The following USP24 variants were observed in gnomAD, a reference collection of about 807,000 sequenced individuals.
USP24 encodes the protein ubiquitin carboxyl-terminal hydrolase 24.
USP24 carries 97 observed loss-of-function variants against 361.6 expected under a neutral mutation model. That is an observed-to-expected ratio of 0.27 (90% confidence interval 0.23 to 0.32). USP24 has a LOEUF of 0.32. USP24 is among the 10% of genes least tolerant of loss of function. The pLI is 1.00. For synonymous variants in USP24, 1,098 were observed against 1,124.6 expected (o/e 0.98, Z 0.47); for missense variants, 2,353 against 3,165.6 (o/e 0.74, Z 6.16).
intron 59 of USP24, 21 bp from the exon 60 acceptor site, chr1:55,079,680 A>G: frequency 1.3e-6 from 2 of 1,519,554 alleles, no homozygotes; most frequent in Non-Finnish European, 1.7e-6. Flanking sequence ...CCAAAGAAAC[A>G]AAACAGAACC....
chr1:55,154,881 A>C, intron 12 of USP24, 103 bp from the exon 13 acceptor site: 1 of 767,270 alleles, frequency 1.3e-6, no homozygotes, highest in South Asian at 1.8e-5. Context: ...TATAACAAAG[A>C]CAAATTGACT....
rs1165842718 is a variant in USP24, at chr1:55,101,049, AT to A, written c.5146-86del. ...GACATATGTACATGTTAGTACCCAC[AT>A]TGCTTTTTTAGAATGTTATGTATGT... On this transcript the variant is annotated intron_variant, in intron 43 of 67. Transcript: ENST00000294383. 4.8e-6 allele frequency: 7 copies of A among 1,460,486 alleles called. No individual in the cohort carries two copies. In the African/African-American group the frequency reaches 8.7e-5, roughly 18 times the overall value. 90.5% of individuals were successfully genotyped at this position (1,460,486 alleles called of 1,614,324 possible).
At chr1:55,095,164 A>C in intron 51 of USP24, 91 bp downstream of exon 51, 1 of 1,346,334 alleles carries the variant, frequency 7.4e-7, no homozygotes, top group Non-Finnish European at 9.8e-7. Flanking sequence ...CAGCTTAGCT[A>C]ATTATCTTTA....
intron 58 of USP24, 22 bp downstream of exon 58, chr1:55,083,250 G>A: frequency 6.2e-7 from 1 of 1,608,628 alleles, no homozygotes; most frequent in Non-Finnish European, 8.5e-7. Flanking sequence ...TATTCCACTA[G>A]GGATATAAAA....
intron 24 of USP24, among the ~76,000 whole-genome samples, chr1:55,139,936 T>A (rs1285469066): frequency 6.6e-6 from 1 of 152,144 alleles, no homozygotes; most frequent in African/African-American, 2.4e-5. Flanking sequence ...AACTATTTTT[T>A]AATTATGCCT....
chr1:55,132,029 T>C (rs951097959), intron 31 of USP24, among the ~76,000 whole-genome samples: 5 of 152,076 alleles, frequency 3.3e-5, no homozygotes, highest in Admixed American at 6.5e-5. Context: ...GATCTTGGAG[T>C]GAGTAACTTG....
At chr1:55,120,803 T>C in intron 37 of USP24, 47 bp from the exon 38 acceptor site, 1 of 1,473,700 alleles carries the variant, frequency 6.8e-7, no homozygotes, top group South Asian at 1.4e-5. Flanking sequence ...AATCAACATG[T>C]TGAGACTGCT....
At chr1:55,156,183 G>A (rs531215604) in intron 12 of USP24, among the ~76,000 whole-genome samples, 1 of 152,170 alleles carries the variant, frequency 6.6e-6, no homozygotes, top group Non-Finnish European at 1.5e-5. Context: ...TGGATATAAT[G>A]AATTTAAGAT....
chr1:55,093,724 T>C (rs1645432657), intron 52 of USP24: 6 of 498,604 alleles, frequency 1.2e-5, no homozygotes, highest in African/African-American at 1.9e-5. Flanking sequence ...CTGCCAATCA[T>C]GAGTGTGTAT....
At chr1:55,069,471 A>T (rs1034404472) in intron 67 of USP24, among the ~76,000 whole-genome samples, 4 of 152,184 alleles carry the variant, frequency 2.6e-5, no homozygotes, top group Non-Finnish European at 5.9e-5. Flanking sequence ...CCTGCCAAAT[A>T]TGGGCTCTGG....
chr1:55,089,682 C>T lies in USP24; in HGVS notation c.6613G>A (p.Ala2205Thr), dbSNP rs1241166687. 3 of 1,605,306 alleles carry T rather than the reference C, an allele frequency of 1.9e-6. No homozygotes were observed. The highest frequency in any genetic ancestry group is 3.4e-5 in the Admixed American group (2 of 58,910). ...IEALLSKSFD[A>T]CQWLVEYFIS... ...AAATATTCAACTAACCACTGACAAG[C>T]ATCAAAACTTTTTGAAAGCAATGCT... is the stretch of plus-strand genomic sequence containing the variant. The change falls in exon 55 of 68, where the codon GCT becomes ACT. Residue 2205 changes from alanine (A) to threonine (T), a missense_variant. Ala to Thr is a moderately conservative substitution (Grantham distance 58). Around this residue, in one of 8 missense-constraint regions of USP24, gnomAD observed 598 missense variants for 761.9 expected, o/e 0.78. Transcript: ENST00000294383.
At chr1:55,155,351 T>C (rs2100744836) in intron 12 of USP24, among the ~76,000 whole-genome samples, 1 of 152,336 alleles carries the variant, frequency 6.6e-6, no homozygotes, top group East Asian at 1.9e-4. Context: ...TCACTGTTCA[T>C]CATGTGAGAT....
chr1:55,086,231 C>T, intron 55 of USP24, 193 bp from the exon 56 acceptor site: 1 of 599,414 alleles, frequency 1.7e-6, no homozygotes, highest in South Asian at 2.1e-5. Flanking sequence ...ATGCCACATA[C>T]CAGCCAAGGC....
rs537813520 is a variant in USP24 at position 55,088,005 on chromosome 1, G to A, written c.6668+1622C>T. 2.6e-5 allele frequency among the ~76,000 whole-genome samples: 4 copies of A among 152,366 alleles called. No homozygotes were observed. In the East Asian group the frequency reaches 5.8e-4, roughly 22 times the overall value. On this transcript the variant is annotated intron_variant, in intron 55 of 67. Transcript: ENST00000294383. ...ATGGCTAAAGCCTGACAAGCAGAGA[G>A]TGAGTCAAGGAAAGCCTGGAAGGAC...
chr1:55,105,633 G>A (rs1401960951), intron 41 of USP24, among the ~76,000 whole-genome samples: 5 of 152,110 alleles, frequency 3.3e-5, no homozygotes, highest in Non-Finnish European at 5.9e-5. Context: ...CACTCAAGGA[G>A]GGTCAACATT....
At position 55,129,579 on chromosome 1, in the gene USP24, G is replaced by T; in HGVS notation, c.3538-5C>A. 6.2e-7 allele frequency: 1 copy of T among 1,612,000 alleles called. No individual in the cohort carries two copies. The highest frequency in any genetic ancestry group is 1.1e-5 in the South Asian group (1 of 90,860). ...CATGAGTTTGGAGCTTAGAACCTAG[G>T]GAACAGATAAGCACAATTATTCATC... On this transcript the variant is annotated splice_polypyrimidine_tract_variant and splice_region_variant and intron_variant, in intron 31 of 67. Coordinates refer to ENST00000294383, the MANE Select transcript of USP24 (RefSeq NM_015306.3).
intron 52 of USP24, 43 bp from the exon 53 acceptor site, chr1:55,092,959 TATTC>T (rs763723157): frequency 4.6e-6 from 6 of 1,299,360 alleles, no homozygotes; most frequent in Non-Finnish European, 6.3e-6. Flanking sequence ...AATGGAAAAA[TATTC>T]AATATGTGAA....
At chr1:55,171,963 C>T (rs906607144) in intron 4 of USP24, among the ~76,000 whole-genome samples, 2 of 151,962 alleles carry the variant, frequency 1.3e-5, no homozygotes, top group African/African-American at 4.8e-5. Flanking sequence ...CTAGGGCTAC[C>T]GGGGATGAGA....
At chr1:55,133,931 CTGG>C in intron 30 of USP24, 136 bp downstream of exon 30, 1 of 821,544 alleles carries the variant, frequency 1.2e-6, no homozygotes, top group Non-Finnish European at 1.9e-6. Context: ...CTGCACTGGG[CTGG>C]TGAAGGTATT....
Sources: allele counts gnomAD v4.1 joint callset (sites outside exome capture counted in the v4.1 genomes callset), GRCh38; gene constraint gnomAD v4.1.1; regional missense constraint gnomAD v4.1.1; transcripts MANE v1.5; gene names NCBI Gene and HGNC (gene_info 2026-07-23, HGNC 2026-07-21).